Variants in TBX18 observed in about 807,000 individuals in gnomAD.
TBX18 encodes the protein T-box transcription factor TBX18.
A neutral mutation model predicts 55.0 loss-of-function variants in TBX18; 21 were observed. The ratio of observed to expected loss-of-function variants is 0.38; its 90% confidence interval spans 0.27 to 0.55. TBX18 has a LOEUF of 0.55. Ranked by LOEUF, TBX18 falls within the 20% of genes least tolerant of loss-of-function variation. The pLI, the probability that TBX18 is intolerant of heterozygous loss-of-function variation, is 0.73. For missense variants in TBX18, 840 were observed against 799.6 expected, an observed-to-expected ratio of 1.05 and a Z score of -0.61; for synonymous variants, 342 against 326.1, an observed-to-expected ratio of 1.05 and a Z score of -0.53.
chr6:84,760,491 T>A, intron 2 of TBX18, 135 bp from the exon 3 acceptor site: 1 of 557,764 alleles, frequency 1.8e-6, no homozygotes, highest in Non-Finnish European at 3.1e-6. Flanking sequence ...TTTGCCAATG[T>A]AATTCAAGGA....
chr6:84,763,941 C>A lies in TBX18; in HGVS notation c.241G>T (p.Ala81Ser). The change falls in exon 1 of 8, where the codon GCG becomes TCG. Residue 81 changes from alanine to serine, a missense_variant. Coordinates refer to ENST00000369663, the MANE Select transcript of TBX18 (RefSeq NM_001080508.3). ...CCACTCCGAGCCGGCCCAGACGTCG[C>A]CCCAGCCGGCGGCGGGAGCGCAGCG... is the stretch of plus-strand genomic sequence containing the variant. Reference protein sequence around the residue: ...EGAALPPPAGATSGPARSGAD... With the variant: ...EGAALPPPAGSTSGPARSGAD... 1 of 1,579,030 alleles carries A rather than the reference C, an allele frequency of 6.3e-7. No individual in the cohort carries two copies. The highest frequency in any genetic ancestry group is 8.6e-7 in the Non-Finnish European group (1 of 1,168,598).
Position 84,733,087 on chromosome 6 carries a change from T to C in TBX18, c.*3598A>G, listed in dbSNP as rs953720947. ...AAGTTCTCTAATTCCCGAGGACATG[T>C]TATTCTCATCATACCACAGTTCAAT... On this transcript the variant is annotated 3_prime_UTR_variant, in exon 8 of 8. Coordinates refer to ENST00000369663, the MANE Select transcript of TBX18 (RefSeq NM_001080508.3). 1 of 152,168 alleles carries C rather than the reference T, an allele frequency of 6.6e-6. No homozygotes were observed. The highest frequency in any genetic ancestry group is 2.4e-5 in the African/African-American group (1 of 41,432). The allele number at this position is 152,168 out of a possible 1,614,324, so 9.4% of individuals were successfully genotyped here.
intron 5 of TBX18, among the ~76,000 whole-genome samples, chr6:84,746,378 ATATAAT>A (rs1157362412): frequency 6.8e-6 from 1 of 148,030 alleles, no homozygotes; most frequent in Non-Finnish European, 1.5e-5. Context: ...TACATTAAAT[ATATAAT>A]TATATCTCAT....
At chr6:84,754,602 T>C (rs1184822881) in intron 4 of TBX18, among the ~76,000 whole-genome samples, 1 of 152,240 alleles carries the variant, frequency 6.6e-6, no homozygotes, top group African/African-American at 2.4e-5. Flanking sequence ...TAACTGAATT[T>C]CATTTGTAAT....
intron 4 of TBX18, among the ~76,000 whole-genome samples, chr6:84,748,669 T>C (rs1767261788): frequency 6.6e-6 from 1 of 152,208 alleles, no homozygotes; most frequent in Admixed American, 6.5e-5. Flanking sequence ...GAGGCTTCCA[T>C]TACTCAGACT....
chr6:84,753,697 A>G (rs1767412323), intron 4 of TBX18, among the ~76,000 whole-genome samples: 1 of 152,220 alleles, frequency 6.6e-6, no homozygotes, highest in Non-Finnish European at 1.5e-5. Context: ...ACAATCAACA[A>G]TAAAATCAGA....
intron 3 of TBX18, among the ~76,000 whole-genome samples, chr6:84,758,903 T>C (rs527909461): frequency 6.6e-6 from 1 of 152,308 alleles, no homozygotes; most frequent in African/African-American, 2.4e-5. Context: ...TAATACTAAT[T>C]TCTGAAATGT....
In TBX18 at chr6:84,749,066, C is replaced by T. The variant is rs532170700; in HGVS notation, c.772-979G>A. 7.2e-5 allele frequency among the ~76,000 whole-genome samples: 11 copies of T among 152,104 alleles called. No homozygotes were observed. The South Asian group carries it at 2.3e-3, about 32-fold the overall frequency. ...ATAGAAAGATATAAACAGTGATTGC[C>T]TCTAGATGATGGAATTGTGAGTGAA... On this transcript the variant is annotated intron_variant, in intron 4 of 7. Transcript: ENST00000369663.
In TBX18 at chr6:84,734,947, T is replaced by A. The variant is rs1300397327; in HGVS notation, c.*1738A>T. 6.6e-6 allele frequency: 1 copy of A among 152,198 alleles called. No homozygotes were observed. The highest frequency in any genetic ancestry group is 6.5e-5 in the Admixed American group (1 of 15,280). The allele number at this position is 152,198 out of a possible 1,614,324, so 9.4% of individuals were successfully genotyped here. ...AAAATTTAATACTAATTTGATGAACTGCTAAGGAATCCAAAAGGAAATTTG... is the reference window on the plus strand; with the variant it reads ...AAAATTTAATACTAATTTGATGAACAGCTAAGGAATCCAAAAGGAAATTTG... On this transcript the variant is annotated 3_prime_UTR_variant, in exon 8 of 8. Coordinates refer to ENST00000369663, the MANE Select transcript of TBX18 (RefSeq NM_001080508.3).
chr6:84,749,494 T>C (rs991778811), intron 4 of TBX18, among the ~76,000 whole-genome samples: 1 of 151,938 alleles, frequency 6.6e-6, no homozygotes, highest in Non-Finnish European at 1.5e-5. Context: ...TTTCTTTTTT[T>C]TTTTTTAACC....
chr6:84,744,008 C>T (rs1170198172), intron 6 of TBX18, among the ~76,000 whole-genome samples: 1 of 152,110 alleles, frequency 6.6e-6, no homozygotes, highest in East Asian at 1.9e-4. Context: ...CTTCAAGGCC[C>T]CTTCAGAAAC....
Position 84,756,752 on chromosome 6 carries a change from A to G in TBX18, c.717T>C (p.Val239=). ...TGAGCTTCAGCTTGTCGAAGCTGATAACTTGTCTCATCCAAGTCTCCCCCG... is the reference window on the plus strand; with the variant it reads ...TGAGCTTCAGCTTGTCGAAGCTGATGACTTGTCTCATCCAAGTCTCCCCCG... ...PASGETWMRQ[V]ISFDKLKLTN... is the part of the protein sequence containing the mutation. The change falls in exon 4 of 8, where the codon GTT becomes GTC. Residue 239 remains valine, a synonymous_variant. Coordinates refer to ENST00000369663, the MANE Select transcript of TBX18 (RefSeq NM_001080508.3). 1 of 1,614,126 alleles carries G rather than the reference A, an allele frequency of 6.2e-7. No individual in the cohort carries two copies. The highest frequency in any genetic ancestry group is 1.1e-5 in the South Asian group (1 of 91,086).
At chr6:84,743,272 T>C (rs1767093569) in intron 6 of TBX18, among the ~76,000 whole-genome samples, 1 of 152,184 alleles carries the variant, frequency 6.6e-6, no homozygotes. Context: ...ACATCACATC[T>C]CTGCAAGAAC....
intron 4 of TBX18, among the ~76,000 whole-genome samples, chr6:84,755,329 G>A (rs1295293969): frequency 6.6e-6 from 1 of 151,882 alleles, no homozygotes; most frequent in African/African-American, 2.4e-5. Flanking sequence ...TTAAACTGTA[G>A]AACTCACAAA....
rs769581351 is a variant in TBX18 at position 84,747,915 on chromosome 6, A to G, written c.939+5T>C. 4.0e-5 allele frequency: 64 copies of G among 1,609,230 alleles called. 1 individual carries two copies. ...CTACAAAGATTCCAATTCTGAGAACAATACCTGCTGATTCTGATAGGCAGT... is the reference window on the plus strand; with the variant it reads ...CTACAAAGATTCCAATTCTGAGAACGATACCTGCTGATTCTGATAGGCAGT... On this transcript the variant is annotated splice_donor_5th_base_variant and intron_variant, in intron 5 of 7. Transcript: ENST00000369663.
intron 2 of TBX18, among the ~76,000 whole-genome samples, chr6:84,761,980 T>C (rs1188525773): frequency 1.3e-5 from 2 of 152,150 alleles, no homozygotes; most frequent in East Asian, 1.9e-4. Flanking sequence ...TGATTAAACA[T>C]GTATTGTGGG....
chr6:84,740,684 T>G (rs1414390463), intron 6 of TBX18, among the ~76,000 whole-genome samples: 2 of 152,180 alleles, frequency 1.3e-5, no homozygotes, highest in African/African-American at 4.8e-5. Flanking sequence ...TTTGTGACTT[T>G]CCAGAAATAC....
intron 3 of TBX18, among the ~76,000 whole-genome samples, chr6:84,757,600 T>C (rs972794559): frequency 3.3e-5 from 5 of 152,088 alleles, no homozygotes; most frequent in African/African-American, 1.2e-4. Flanking sequence ...AAAATAAACT[T>C]TGAAAATAAT....
intron 4 of TBX18, among the ~76,000 whole-genome samples, chr6:84,752,653 A>G (rs1337513665): frequency 2.0e-5 from 3 of 152,192 alleles, no homozygotes; most frequent in African/African-American, 7.2e-5. Context: ...AACAAACACA[A>G]ATGTGTCATA....
Sources: gnomAD v4.1 joint callset for allele counts (sites outside exome capture counted in the v4.1 genomes callset) on GRCh38, gnomAD v4.1.1 for gene constraint, MANE v1.5 for transcripts, NCBI Gene and HGNC (gene_info 2026-07-23, HGNC 2026-07-21) for gene names.